KCNIP4: variants seen among roughly 807,000 people sequenced by gnomAD.
The protein encoded by KCNIP4 is potassium voltage-gated channel interacting protein 4, also known as Kv channel-interacting protein 4.
A neutral mutation model predicts 34.0 loss-of-function variants in KCNIP4; 12 were observed. The observed-to-expected ratio is 0.35, with a 90% CI of 0.23 to 0.57. The LOEUF is 0.57. KCNIP4 is among the 20% of genes least tolerant of loss of function. The probability of loss-of-function intolerance (pLI) is 0.83; values close to 1 mark genes in which losing one functional copy is unlikely to be tolerated. For synonymous variants in KCNIP4, 124 were observed against 102.2 expected (o/e 1.21, Z -1.29); for missense variants, 238 against 311.7 (o/e 0.76, Z 1.78).
At chr4:21,080,193 C>T (rs1745884349) in intron 1 of KCNIP4, among the ~76,000 whole-genome samples, 1 of 151,820 alleles carries the variant, frequency 6.6e-6, no homozygotes, top group Admixed American at 6.6e-5. Context: ...TCTCCAACTG[C>T]TAGCTCTGTG....
intron 5 of KCNIP4, among the ~76,000 whole-genome samples, chr4:20,740,985 A>G (rs1381427987): frequency 6.6e-6 from 1 of 152,248 alleles, no homozygotes; most frequent in Non-Finnish European, 1.5e-5. Context: ...AGGCTATTAC[A>G]TAATGGTAAA....
intron 1 of KCNIP4, among the ~76,000 whole-genome samples, chr4:20,950,605 C>G (rs757455984): frequency 7.2e-5 from 11 of 152,054 alleles, no homozygotes; most frequent in Non-Finnish European, 1.3e-4. Context: ...TCTGCACAGG[C>G]AAGTGTGATG....
At chr4:21,192,915 TCTACTA>T (rs576122943) in intron 1 of KCNIP4, among the ~76,000 whole-genome samples, 75 of 94,300 alleles carry the variant, frequency 8.0e-4, no homozygotes, top group African/African-American at 5.0e-3. Context: ...CCGCCCCGTC[TCTACTA>T]CTACTACTAC....
chr4:21,122,421 A>G (rs1577729974), intron 1 of KCNIP4, among the ~76,000 whole-genome samples: 1 of 150,480 alleles, frequency 6.6e-6, no homozygotes, highest in East Asian at 2.0e-4. Context: ...AAAACAATGT[A>G]GCCTAAAGAA....
intron 1 of KCNIP4, among the ~76,000 whole-genome samples, chr4:21,063,257 C>G (rs1371224728): frequency 1.3e-5 from 2 of 152,076 alleles, no homozygotes; most frequent in Admixed American, 1.3e-4. Flanking sequence ...GTTGCTTAAG[C>G]CACCCAGTTT....
chr4:20,831,269 A>G (rs1718397755), intron 3 of KCNIP4, among the ~76,000 whole-genome samples: 1 of 152,146 alleles, frequency 6.6e-6, no homozygotes, highest in Admixed American at 6.6e-5. Context: ...ATCTCCATTT[A>G]TGCATAAGGA....
chr4:21,737,230 A>G (rs1716055225), intron 1 of KCNIP4, among the ~76,000 whole-genome samples: 1 of 152,144 alleles, frequency 6.6e-6, no homozygotes, highest in East Asian at 1.9e-4. Flanking sequence ...ACCAATCAAA[A>G]TTTAATGTTC....
intron 1 of KCNIP4, among the ~76,000 whole-genome samples, chr4:21,529,649 C>T (rs1736506920): frequency 6.6e-6 from 1 of 151,964 alleles, no homozygotes; most frequent in Non-Finnish European, 1.5e-5. Context: ...GTAGTAAATC[C>T]TTGGATTCCA....
At chr4:21,870,771 T>C (rs62301421) in intron 1 of KCNIP4, among the ~76,000 whole-genome samples, 39,187 of 152,094 alleles carry the variant, frequency 0.26, 6,859 homozygotes, top group East Asian at 0.64. Flanking sequence ...CAACATATTA[T>C]TGGACAAGGT....
intron 1 of KCNIP4, among the ~76,000 whole-genome samples, chr4:21,183,724 A>T (rs967309264): frequency 1.3e-5 from 2 of 151,892 alleles, no homozygotes; most frequent in African/African-American, 2.4e-5. Flanking sequence ...CTGATTTCCA[A>T]TTGCAGGTCT....
At chr4:20,948,813 T>C (rs1166666721) in intron 1 of KCNIP4, among the ~76,000 whole-genome samples, 2 of 152,210 alleles carry the variant, frequency 1.3e-5, no homozygotes, top group African/African-American at 4.8e-5. Flanking sequence ...AGAATGGTAA[T>C]ATATAACATA....
chr4:21,305,879 G>GT (rs1213166726), intron 1 of KCNIP4, among the ~76,000 whole-genome samples: 1 of 152,084 alleles, frequency 6.6e-6, no homozygotes, highest in Non-Finnish European at 1.5e-5. Flanking sequence ...TCTTTTTTGT[G>GT]TTTTTACGGT....
At chr4:21,125,351 G>A (rs1750531396) in intron 1 of KCNIP4, among the ~76,000 whole-genome samples, 1 of 151,740 alleles carries the variant, frequency 6.6e-6, no homozygotes, top group Non-Finnish European at 1.5e-5. Flanking sequence ...TGAGTAGCAG[G>A]GATTAGAGGT....
At chr4:21,663,367 T>A (rs1364777690) in intron 1 of KCNIP4, among the ~76,000 whole-genome samples, 1 of 152,188 alleles carries the variant, frequency 6.6e-6, no homozygotes, top group Admixed American at 6.5e-5. Flanking sequence ...GAAAAGCTGA[T>A]GCCTGTCCAC....
At chr4:21,536,565 G>C (rs1737186922) in intron 1 of KCNIP4, among the ~76,000 whole-genome samples, 3 of 152,050 alleles carry the variant, frequency 2.0e-5, no homozygotes. Flanking sequence ...GATCGCTTGA[G>C]GCCAGGACTT....
chr4:21,130,464 T>A (rs1750979449), intron 1 of KCNIP4, among the ~76,000 whole-genome samples: 1 of 152,222 alleles, frequency 6.6e-6, no homozygotes, highest in Non-Finnish European at 1.5e-5. Context: ...TTGCATAATG[T>A]TGGTCTGCCT....
intron 1 of KCNIP4, among the ~76,000 whole-genome samples, chr4:21,759,562 T>G (rs578179606): frequency 2.0e-5 from 3 of 152,286 alleles, no homozygotes; most frequent in Admixed American, 1.3e-4. Flanking sequence ...GATCAGGACA[T>G]TTTTTATTCT....
intron 1 of KCNIP4, among the ~76,000 whole-genome samples, chr4:20,888,701 C>T (rs1725584111): frequency 6.6e-6 from 1 of 152,066 alleles, no homozygotes; most frequent in Non-Finnish European, 1.5e-5. Context: ...AATTAATTGG[C>T]TACATAAACC....
chr4:21,352,528 C>T (rs180880658), intron 1 of KCNIP4, among the ~76,000 whole-genome samples: 53 of 152,336 alleles, frequency 3.5e-4, no homozygotes, highest in East Asian at 3.1e-3. Context: ...TCACTGCTAG[C>T]GCAGCAGTCT....
Sources: gnomAD v4.1 joint callset for allele counts (sites outside exome capture counted in the v4.1 genomes callset) on GRCh38, gnomAD v4.1.1 for gene constraint, MANE v1.5 for transcripts, NCBI Gene and HGNC (gene_info 2026-07-23, HGNC 2026-07-21) for gene names.